Variants in FSTL4 observed in about 807,000 individuals in gnomAD.
The protein encoded by FSTL4 is follistatin-related protein 4.
Under a neutral mutation model 78.2 loss-of-function variants are expected in FSTL4, and 28 were observed. The observed-to-expected ratio is 0.36, with a 90% confidence interval of 0.27 to 0.49. The LOEUF is 0.49. FSTL4 is among the 20% of genes least tolerant of loss of function. The pLI, the probability that FSTL4 is intolerant of heterozygous loss-of-function variation, is 0.98. For synonymous variants in FSTL4, 422 were observed against 440.5 expected (o/e 0.96, Z 0.53); for missense variants, 922 against 1,084.9 (o/e 0.85, Z 2.11).
intron 7 of FSTL4, chr5:133,244,044 A>C (rs368769223): frequency 2.9e-4 from 44 of 152,494 alleles, no homozygotes; most frequent in African/African-American, 1.0e-3. Context: ...GTTTCTGCAG[A>C]AAGTGAGGCA....
At chr5:133,473,877 G>T (rs956742431) in intron 3 of FSTL4, among the ~76,000 whole-genome samples, 27 of 152,100 alleles carry the variant, frequency 1.8e-4, no homozygotes, top group African/African-American at 6.3e-4. Context: ...CAGATCTTGT[G>T]CGAACTCACT....
chr5:133,537,240 C>G (rs1463368799), intron 3 of FSTL4, among the ~76,000 whole-genome samples: 3 of 152,186 alleles, frequency 2.0e-5, no homozygotes, highest in African/African-American at 7.2e-5. Flanking sequence ...GGAGAATAAA[C>G]TCCTTTACAA....
chr5:133,707,783 A>T, the FSTL4 span, among the ~76,000 whole-genome samples: 1 of 151,966 alleles, frequency 6.6e-6, no homozygotes, highest in African/African-American at 2.4e-5. Context: ...AGCTCTCCAG[A>T]GGCTGCAGCC....
the FSTL4 span, among the ~76,000 whole-genome samples, chr5:133,798,130 G>C: frequency 1.3e-5 from 2 of 152,186 alleles, no homozygotes; most frequent in Non-Finnish European, 1.5e-5. Context: ...CTGTGAGCAC[G>C]GGCCCATCCC....
chr5:133,259,801 TG>T, intron 6 of FSTL4, among the ~76,000 whole-genome samples: 1 of 151,688 alleles, frequency 6.6e-6, no homozygotes, highest in East Asian at 1.9e-4. Context: ...ATAGTTTGGA[TG>T]GGGTGGGGAT....
chr5:133,691,146 C>G, the FSTL4 span, among the ~76,000 whole-genome samples: 1 of 152,106 alleles, frequency 6.6e-6, no homozygotes, highest in Non-Finnish European at 1.5e-5. Context: ...GGGGAGAAAA[C>G]AAATAAAATT....
the FSTL4 span, among the ~76,000 whole-genome samples, chr5:133,765,001 T>A: frequency 4.6e-5 from 7 of 152,264 alleles, no homozygotes; most frequent in Non-Finnish European, 8.8e-5. Context: ...ATGAATATGC[T>A]GCGCTTTATG....
At chr5:133,406,369 C>A (rs1441971905) in intron 3 of FSTL4, among the ~76,000 whole-genome samples, 3 of 152,204 alleles carry the variant, frequency 2.0e-5, no homozygotes, top group Non-Finnish European at 2.9e-5. Context: ...TTTCACCCTG[C>A]CCAACTGTCC....
At chr5:133,450,508 G>C (rs1422771141) in intron 3 of FSTL4, among the ~76,000 whole-genome samples, 1 of 152,246 alleles carries the variant, frequency 6.6e-6, no homozygotes, top group Non-Finnish European at 1.5e-5. Context: ...CACTGGTCTT[G>C]TCCATCTTTC....
At chr5:133,552,742 T>C (rs1380828864) in intron 3 of FSTL4, among the ~76,000 whole-genome samples, 4 of 152,150 alleles carry the variant, frequency 2.6e-5, no homozygotes, top group Admixed American at 2.6e-4. Context: ...GTCTTACTTT[T>C]CTTATGAAGA....
chr5:133,678,552 T>C, the FSTL4 span, among the ~76,000 whole-genome samples: 2 of 144,646 alleles, frequency 1.4e-5, no homozygotes. Flanking sequence ...GGGGCAGGTC[T>C]GTGTTTGAGC....
chr5:133,704,922 C>T, the FSTL4 span, among the ~76,000 whole-genome samples: 2 of 152,246 alleles, frequency 1.3e-5, no homozygotes, highest in Non-Finnish European at 2.9e-5. Flanking sequence ...CATGAAAACG[C>T]ATTTGCCTGT....
chr5:133,374,526 T>A (rs1163824540), intron 4 of FSTL4, among the ~76,000 whole-genome samples: 1 of 152,208 alleles, frequency 6.6e-6, no homozygotes, highest in African/African-American at 2.4e-5. Context: ...ATATTCTTGG[T>A]GGGCAGTTAA....
rs1761085123 is a variant in FSTL4 at position 133,611,239 on chromosome 5, G to A, written c.-11+1086C>T. Among the ~76,000 whole-genome samples, 1 of 152,140 alleles carries A rather than the reference G, an allele frequency of 6.6e-6. No individual in the cohort carries two copies. The highest frequency in any genetic ancestry group is 1.5e-5 in the Non-Finnish European group (1 of 68,004). ...CGCCGGGCCCGCCCCGCTGACCCGC[G>A]CACTCCTAGTGCACTTGCCGCGCCG... On this transcript the variant is annotated intron_variant, in intron 1 of 15. Coordinates refer to ENST00000265342, the MANE Select transcript of FSTL4 (RefSeq NM_015082.2). The surrounding 1 kb of genome is among the most constrained non-coding windows in gnomAD (Gnocchi z 4.9).
chr5:133,328,419 C>T (rs982887108), intron 4 of FSTL4, among the ~76,000 whole-genome samples: 4 of 152,158 alleles, frequency 2.6e-5, no homozygotes, highest in African/African-American at 9.7e-5. Flanking sequence ...TTAGAGAAAG[C>T]AAAATTGGTT....
At chr5:133,599,013 C>G (rs992857568) in intron 2 of FSTL4, among the ~76,000 whole-genome samples, 3 of 152,128 alleles carry the variant, frequency 2.0e-5, no homozygotes, top group Non-Finnish European at 4.4e-5. Context: ...AGATCTCAAG[C>G]CCTACAGACG....
intron 4 of FSTL4, 63 bp from the exon 5 acceptor site, chr5:133,316,715 G>T: frequency 7.3e-7 from 1 of 1,373,380 alleles, no homozygotes; most frequent in Non-Finnish European, 1.0e-6. Context: ...GAACATTCTT[G>T]CCGCTGGTCC....
intron 3 of FSTL4, among the ~76,000 whole-genome samples, chr5:133,465,881 G>A (rs1008048054): frequency 3.9e-5 from 6 of 152,224 alleles, no homozygotes; most frequent in African/African-American, 9.6e-5. Context: ...TGATTTTATC[G>A]ATGGTTGAAG....
chr5:133,699,135 G>A, the FSTL4 span, among the ~76,000 whole-genome samples: 1 of 152,156 alleles, frequency 6.6e-6, no homozygotes. Context: ...TCTGAGGGCA[G>A]AGTATGACAT....
Sources: allele counts gnomAD v4.1 joint callset (sites outside exome capture counted in the v4.1 genomes callset), GRCh38; gene constraint gnomAD v4.1.1; non-coding constraint Gnocchi (gnomAD v3.1); transcripts MANE v1.5; gene names NCBI Gene and HGNC (gene_info 2026-07-23, HGNC 2026-07-21).